Variants in CPNE2 observed in about 807,000 individuals in gnomAD.
The protein encoded by CPNE2 is copine 2, also known as copine-2.
Under a neutral mutation model 69.7 loss-of-function variants are expected in CPNE2, and 42 were observed. The ratio of observed to expected loss-of-function variants is 0.60; its 90% CI spans 0.47 to 0.78. The LOEUF is 0.78. Among genes scored for constraint, CPNE2 ranks in the 30% least tolerant of loss-of-function variants. The pLI, the probability that CPNE2 is intolerant of heterozygous loss-of-function variation, is 0.00. For missense variants in CPNE2, 587 were observed against 732.0 expected, an observed-to-expected ratio of 0.80 and a Z score of 2.29; for synonymous variants, 294 against 289.8, an observed-to-expected ratio of 1.01 and a Z score of -0.15.
chr16:57,132,418 G>A (rs1597502898), intron 12 of CPNE2, among the ~76,000 whole-genome samples: 1 of 152,146 alleles, frequency 6.6e-6, no homozygotes, highest in East Asian at 1.9e-4. Flanking sequence ...GGGAAACTGA[G>A]GCTCAGAGAG....
intron 1 of CPNE2, among the ~76,000 whole-genome samples, chr16:57,093,639 C>A (rs1485188210): frequency 6.6e-6 from 1 of 152,160 alleles, no homozygotes; most frequent in Admixed American, 6.5e-5. Flanking sequence ...ATAGGGTGTT[C>A]ATCTTGCATC....
At chr16:57,119,816 A>G (rs551558563) in intron 7 of CPNE2, among the ~76,000 whole-genome samples, 166 bp downstream of exon 7, 35 of 152,294 alleles carry the variant, frequency 2.3e-4, no homozygotes, top group African/African-American at 7.7e-4. Flanking sequence ...TCCTGGATCT[A>G]TCTGATGCCC....
chr16:57,127,755 A>T, intron 11 of CPNE2, 94 bp from the exon 12 acceptor site: 6 of 1,230,634 alleles, frequency 4.9e-6, no homozygotes, highest in Non-Finnish European at 7.1e-6. Context: ...CTGTCCTTGG[A>T]AGTGTATGAG....
chr16:57,113,005 G>A, intron 2 of CPNE2: 1 of 299,056 alleles, frequency 3.3e-6, no homozygotes, highest in Non-Finnish European at 6.2e-6. Flanking sequence ...CACCTGGGTA[G>A]GGAGCCAGGG....
intron 13 of CPNE2, among the ~76,000 whole-genome samples, chr16:57,135,223 C>T (rs982526443): frequency 6.6e-6 from 1 of 152,116 alleles, no homozygotes; most frequent in African/African-American, 2.4e-5. Context: ...CACCTCCTTC[C>T]CACCCGCCCC....
chr16:57,121,260 G>T, intron 8 of CPNE2, 69 bp downstream of exon 8: 1 of 1,392,850 alleles, frequency 7.2e-7, no homozygotes. Flanking sequence ...CCGGGTCTTG[G>T]GTCAGGCAGC....
intron 1 of CPNE2, among the ~76,000 whole-genome samples, chr16:57,106,936 A>G (rs1337875635): frequency 6.6e-6 from 1 of 152,138 alleles, no homozygotes; most frequent in Non-Finnish European, 1.5e-5. Flanking sequence ...ATGTTCAGCA[A>G]TCTCCCCACC....
At chr16:57,131,578 G>A (rs913214840) in intron 12 of CPNE2, among the ~76,000 whole-genome samples, 1 of 152,202 alleles carries the variant, frequency 6.6e-6, no homozygotes, top group Admixed American at 6.5e-5. Context: ...AAGCCTCCTT[G>A]TAAATGTCAC....
chr16:57,145,929 A>G (rs1304963687), intron 14 of CPNE2, 156 bp from the exon 15 acceptor site: 1 of 657,060 alleles, frequency 1.5e-6, no homozygotes, highest in Admixed American at 2.3e-5. Context: ...GGGTGCTGAG[A>G]GCAGGACGCA....
intron 5 of CPNE2, 66 bp downstream of exon 5, chr16:57,117,633 G>A (rs2069729532): frequency 1.3e-6 from 2 of 1,569,948 alleles, no homozygotes; most frequent in African/African-American, 1.4e-5. Flanking sequence ...GGGCTGTGTG[G>A]CCTCATTCCG....
chr16:57,121,696 C>T lies in CPNE2; in HGVS notation c.803C>T (p.Pro268Leu). 1.2e-6 allele frequency: 2 copies of T among 1,614,112 alleles called. No individual in the cohort carries two copies. The highest frequency in any genetic ancestry group is 1.7e-6 in the Non-Finnish European group (2 of 1,180,024). ...SVPLEFECIN[P>L]KKQRKKKNYK... ...CAGCTGGAGTTCGAGTGCATCAACC[C>T]CAAGAAGCAGAGGAAGAAGAAGAAC... Residue 268 changes from proline to leucine, a missense_variant, in exon 9 of 16, where the codon CCC becomes CTC. Pro to Leu is a moderately conservative substitution (Grantham distance 98). Transcript: ENST00000290776.
chr16:57,141,859 C>T (rs1019845809), intron 14 of CPNE2: 21 of 152,376 alleles, frequency 1.4e-4, no homozygotes, highest in African/African-American at 4.1e-4. Flanking sequence ...CTTGAGCTAG[C>T]ATTCAGTGAT....
chr16:57,113,862 G>T (rs80082084), intron 3 of CPNE2, among the ~76,000 whole-genome samples: 6,800 of 152,314 alleles, frequency 0.045, 215 homozygotes, highest in Middle Eastern at 0.11. Context: ...ATCCATCTCA[G>T]TCCTTGGTAA....
At chr16:57,124,747 A>C (rs921793748) in intron 10 of CPNE2, 1 of 237,252 alleles carries the variant, frequency 4.2e-6, no homozygotes, top group Non-Finnish European at 8.7e-6. Flanking sequence ...GTTCCCCATC[A>C]CCACCCCTAG....
At chr16:57,104,170 G>A (rs928867559) in intron 1 of CPNE2, among the ~76,000 whole-genome samples, 9 of 152,200 alleles carry the variant, frequency 5.9e-5, no homozygotes, top group South Asian at 4.2e-4. Context: ...CAGCTGCCTC[G>A]GCCTCCCAAA....
chr16:57,111,170 ATTATTTGATATCTTTT>A (rs1462993695), intron 2 of CPNE2, among the ~76,000 whole-genome samples: 3 of 142,414 alleles, frequency 2.1e-5, no homozygotes, highest in Non-Finnish European at 3.0e-5. Context: ...ATTTATAGTG[ATTATTTGATATCTTTT>A]TTTTTTTTTT....
chr16:57,095,965 C>T (rs1402922122), intron 1 of CPNE2, among the ~76,000 whole-genome samples: 1 of 152,234 alleles, frequency 6.6e-6, no homozygotes, highest in Non-Finnish European at 1.5e-5. Context: ...GGTGTCAGAT[C>T]CACAAAAAGG....
chr16:57,117,465 C>G, intron 4 of CPNE2, 31 bp from the exon 5 acceptor site: 1 of 1,605,266 alleles, frequency 6.2e-7, no homozygotes, highest in Non-Finnish European at 8.5e-7. Context: ...CTGGGGGAGT[C>G]TGAGGAGCCC....
intron 1 of CPNE2, among the ~76,000 whole-genome samples, chr16:57,093,657 C>T (rs1439306883): frequency 6.6e-6 from 1 of 152,136 alleles, no homozygotes; most frequent in East Asian, 1.9e-4. Flanking sequence ...ATCTGAATCC[C>T]CTGCCCCATA....
Sources: gnomAD v4.1 joint callset for allele counts (sites outside exome capture counted in the v4.1 genomes callset) on GRCh38, gnomAD v4.1.1 for gene constraint, MANE v1.5 for transcripts, NCBI Gene and HGNC (gene_info 2026-07-23, HGNC 2026-07-21) for gene names.